The following CSMD1 variants were observed in gnomAD, a reference collection of about 807,000 sequenced individuals.
CSMD1 encodes CUB and sushi domain-containing protein 1.
A neutral mutation model predicts 417.5 loss-of-function variants in CSMD1; 213 were observed. The observed-to-expected ratio is 0.51, with a 90% CI of 0.46 to 0.57. The LOEUF (loss-of-function observed/expected upper bound fraction) is 0.57, where lower values mean the gene tolerates loss of function less well. Among genes scored for constraint, CSMD1 ranks in the 20% least tolerant of loss-of-function variants. The probability of loss-of-function intolerance (pLI) is 0.00; values close to 1 mark genes in which losing one functional copy is unlikely to be tolerated. For synonymous variants in CSMD1, 2,862 were observed against 1,736.8 expected, an observed-to-expected ratio of 1.65 and a Z score of -16.11; for missense variants, 6,923 against 4,529.7, an observed-to-expected ratio of 1.53 and a Z score of -15.17.
rs575646596 is a variant in CSMD1, at chr8:4,883,522, C to T, written c.85+110810G>A. ...ATCAACCAGATGTTGACAACCACTA[C>T]CATATTTTCCAAATCTAGACATTTG... On this transcript the variant is annotated intron_variant, in intron 1 of 69. Transcript: ENST00000635120. Among the ~76,000 whole-genome samples, 64 of 152,212 alleles carry T rather than the reference C, an allele frequency of 4.2e-4. 2 individuals are homozygous for T. The highest frequency in any genetic ancestry group is 1.5e-3 in the African/African-American group (62 of 41,494).
At chr8:3,590,287 T>A (rs1289544196) in intron 8 of CSMD1, among the ~76,000 whole-genome samples, 1 of 152,130 alleles carries the variant, frequency 6.6e-6, no homozygotes, top group Non-Finnish European at 1.5e-5. Flanking sequence ...ATGATTATAT[T>A]TTTTCCTGAT....
At chr8:3,582,811 G>A (rs1312581186) in intron 9 of CSMD1, among the ~76,000 whole-genome samples, 2 of 152,186 alleles carry the variant, frequency 1.3e-5, no homozygotes, top group African/African-American at 2.4e-5. Flanking sequence ...AAATTCACCT[G>A]TTTCTCTTTC....
intron 1 of CSMD1, among the ~76,000 whole-genome samples, chr8:4,671,956 G>A (rs578095844): frequency 7.0e-4 from 106 of 152,284 alleles, no homozygotes; most frequent in Admixed American, 2.2e-3. Flanking sequence ...GCAGCACCTC[G>A]CCGAGGTAGG....
chr8:3,342,263 T>C (rs115504427), intron 23 of CSMD1, among the ~76,000 whole-genome samples: 1,593 of 152,298 alleles, frequency 0.01, 34 homozygotes, highest in African/African-American at 0.037. Context: ...TTAATCTTCG[T>C]CTTAGGCTCC....
In CSMD1 at chr8:3,052,503, T is replaced by C. The variant is rs1401234302; in HGVS notation, c.7619A>G (p.Asp2540Gly). Reference protein sequence around the residue: ...SQQATAVCQEDGLWSNKGKPP... With the variant: ...SQQATAVCQEGGLWSNKGKPP... ...CTTCCCCTTGTTACTCCACAACCCA[T>C]CTTCTTGACACACGGCTGTTGCTTG... The change falls in exon 50 of 70, where the codon GAT (aspartate) becomes GGT (glycine). Residue 2540 changes from aspartate to glycine, a missense_variant. Coordinates refer to ENST00000635120, the MANE Select transcript of CSMD1 (RefSeq NM_033225.6). 8 of 1,597,292 alleles carry C rather than the reference T, an allele frequency of 5.0e-6. No individual in the cohort carries two copies. Among genetic ancestry groups the C allele is most frequent in the Non-Finnish European group, 6.8e-6 (8 of 1,171,450 alleles).
At chr8:4,112,998 T>A (rs973102611) in intron 3 of CSMD1, among the ~76,000 whole-genome samples, 4 of 152,176 alleles carry the variant, frequency 2.6e-5, no homozygotes, top group Non-Finnish European at 5.9e-5. Flanking sequence ...TTATTATATC[T>A]GTTATGGTAA....
chr8:4,765,552 C>G (rs767924981), intron 1 of CSMD1, among the ~76,000 whole-genome samples: 1 of 152,180 alleles, frequency 6.6e-6, no homozygotes, highest in Non-Finnish European at 1.5e-5. Flanking sequence ...ATGGAAATAA[C>G]TCACTAATTG....
intron 1 of CSMD1, among the ~76,000 whole-genome samples, chr8:4,870,398 G>C (rs1024243580): frequency 2.0e-5 from 3 of 152,094 alleles, no homozygotes; most frequent in African/African-American, 7.3e-5. Context: ...CTTCAACAGA[G>C]CTAGACCTCA....
intron 23 of CSMD1, among the ~76,000 whole-genome samples, chr8:3,327,943 C>A (rs968870606): frequency 1.5e-4 from 23 of 152,072 alleles, no homozygotes; most frequent in Non-Finnish European, 2.8e-4. Context: ...ATGACCAATG[C>A]CCTACCTAGC....
rs534193038 is a variant in CSMD1, at chr8:4,067,705, A to T, written c.416-35606T>A. ...TGTCCTGTGGAATATTAAACTTTCC[A>T]TGTTAGATAGTGTAATTTGATAAAG... On this transcript the variant is annotated intron_variant, in intron 3 of 69. Coordinates refer to ENST00000635120, the MANE Select transcript of CSMD1 (RefSeq NM_033225.6). Among the ~76,000 whole-genome samples, 10 of 152,292 alleles carry T rather than the reference A, an allele frequency of 6.6e-5. No individual in the cohort carries two copies. In the East Asian group the frequency reaches 1.7e-3, roughly 26 times the overall value.
At chr8:4,135,323 C>T (rs13279836) in intron 3 of CSMD1, among the ~76,000 whole-genome samples, 58,419 of 129,646 alleles carry the variant, frequency 0.45, 12,282 homozygotes, top group Admixed American at 0.55. Flanking sequence ...GAGGGAGGAG[C>T]GAAGGAAGGG....
At position 2,950,260 on chromosome 8, in the gene CSMD1, C is replaced by T. The variant is rs371486636; in HGVS notation, c.10285G>A (p.Glu3429Lys). 473 of 1,612,538 alleles carry T rather than the reference C, an allele frequency of 2.9e-4. No homozygotes were observed. The highest frequency in any genetic ancestry group is 3.8e-4 in the Non-Finnish European group (445 of 1,178,782). Reference protein sequence around the residue: ...GQADIFVSKFENDNWGLDGYV... With the variant: ...GQADIFVSKFKNDNWGLDGYV... ...CCATCTAGTCCCCAGTTGTCATTTT[C>T]GAACTTGCTTACAAAAATATCTGCC... Residue 3429 changes from glutamate (E) to lysine (K), a missense_variant, in exon 67 of 70, where the codon GAA (glutamate) becomes AAA (lysine). Physicochemically the swap from Glu to Lys is moderately conservative, Grantham distance 56 (BLOSUM62 1). Transcript: ENST00000635120.
At chr8:4,450,308 CAG>C (rs1381337661) in intron 2 of CSMD1, among the ~76,000 whole-genome samples, 2 of 152,158 alleles carry the variant, frequency 1.3e-5, no homozygotes, top group Admixed American at 6.5e-5. Flanking sequence ...TGCTGCAACT[CAG>C]AGTATTTTTT....
chr8:3,647,419 A>G (rs867059545), intron 7 of CSMD1, among the ~76,000 whole-genome samples: 6 of 152,332 alleles, frequency 3.9e-5, no homozygotes, highest in Middle Eastern at 3.4e-3. Flanking sequence ...AAAGAGAAAA[A>G]CAGCATAAAG....
At chr8:2,963,197 G>A (rs745944635) in intron 60 of CSMD1, 25 bp downstream of exon 60, 11 of 1,612,182 alleles carry the variant, frequency 6.8e-6, no homozygotes, top group Non-Finnish European at 7.6e-6. Flanking sequence ...GCAGTGGGCG[G>A]AACAAATTCT....
intron 5 of CSMD1, among the ~76,000 whole-genome samples, chr8:3,797,123 G>A (rs1800196664): frequency 6.6e-6 from 1 of 151,862 alleles, no homozygotes. Context: ...AGTAAATAAT[G>A]AAGTATACTA....
chr8:4,477,498 G>C (rs189747215), intron 2 of CSMD1, among the ~76,000 whole-genome samples: 2 of 152,312 alleles, frequency 1.3e-5, no homozygotes, highest in Admixed American at 1.3e-4. Context: ...TTAAAATGCA[G>C]CATTACGTGA....
At chr8:3,795,092 T>TGTATCTATCATGTATAGCTATAG (rs1799975023) in intron 5 of CSMD1, among the ~76,000 whole-genome samples, 1 of 84,488 alleles carries the variant, frequency 1.2e-5, no homozygotes, top group Admixed American at 1.4e-4. Flanking sequence ...GCTATAGATA[T>TGTATCTATCATGTATAGCTATAG]ATATCTATCA....
intron 26 of CSMD1, among the ~76,000 whole-genome samples, chr8:3,233,901 C>T (rs969036586): frequency 6.6e-6 from 1 of 152,130 alleles, no homozygotes; most frequent in Non-Finnish European, 1.5e-5. Flanking sequence ...CATTTTGGAT[C>T]CCAGGGATGG....
Sources: gnomAD v4.1 joint callset for allele counts (sites outside exome capture counted in the v4.1 genomes callset) on GRCh38, gnomAD v4.1.1 for gene constraint, MANE v1.5 for transcripts, NCBI Gene and HGNC (gene_info 2026-07-23, HGNC 2026-07-21) for gene names.